GPD2: variants seen among roughly 807,000 people sequenced by gnomAD.
GPD2 encodes the protein glycerol-3-phosphate dehydrogenase 2.
In GPD2, 54 loss-of-function variants were observed where a neutral mutation model predicts 82.4. The observed-to-expected ratio is 0.66, with a 90% CI of 0.53 to 0.82. The LOEUF is 0.82. Ranked by LOEUF, GPD2 falls within the 40% of genes least tolerant of loss-of-function variation. The pLI is 0.00. For synonymous variants in GPD2, 288 were observed against 306.1 expected, an observed-to-expected ratio of 0.94 and a Z score of 0.62; for missense variants, 748 against 896.2, an observed-to-expected ratio of 0.83 and a Z score of 2.11.
intron 1 of GPD2, among the ~76,000 whole-genome samples, chr2:156,455,078 A>G (rs1192492232): frequency 1.3e-5 from 2 of 152,018 alleles, no homozygotes; most frequent in African/African-American, 4.8e-5. Flanking sequence ...CCCAGGGAGC[A>G]GTCATCTTAG....
chr2:156,483,768 A>G (rs2105216780), intron 2 of GPD2, among the ~76,000 whole-genome samples: 1 of 152,266 alleles, frequency 6.6e-6, no homozygotes, highest in African/African-American at 2.4e-5. Flanking sequence ...CAAACATTCC[A>G]CCTTAGCATT....
intron 2 of GPD2, among the ~76,000 whole-genome samples, chr2:156,491,739 C>T (rs1301468941): frequency 1.3e-5 from 2 of 152,048 alleles, no homozygotes; most frequent in African/African-American, 4.8e-5. Flanking sequence ...TAAGACACTC[C>T]TGGCCAGGCA....
the GPD2 span, among the ~76,000 whole-genome samples, chr2:156,408,195 T>C: frequency 6.6e-6 from 1 of 152,074 alleles, no homozygotes; most frequent in Non-Finnish European, 1.5e-5. Flanking sequence ...GCTCCAGTAA[T>C]CTGCCCACCT....
intron 2 of GPD2, among the ~76,000 whole-genome samples, chr2:156,486,098 A>G (rs1360683068): frequency 6.6e-6 from 1 of 152,204 alleles, no homozygotes; most frequent in Non-Finnish European, 1.5e-5. Context: ...AACTATTCTT[A>G]ACTACTCTAT....
At chr2:156,538,923 A>C (rs1481772005) in intron 6 of GPD2, among the ~76,000 whole-genome samples, 1 of 151,838 alleles carries the variant, frequency 6.6e-6, no homozygotes, top group African/African-American at 2.4e-5. Context: ...AATATCTGTT[A>C]AAGATATCTT....
intron 1 of GPD2, among the ~76,000 whole-genome samples, chr2:156,455,943 A>AT (rs1682775511): frequency 6.6e-6 from 1 of 152,076 alleles, no homozygotes; most frequent in Admixed American, 6.5e-5. Flanking sequence ...TAAATTATAT[A>AT]TTTTTTGCTT....
At chr2:156,503,900 G>T (rs1453544446) in intron 3 of GPD2, among the ~76,000 whole-genome samples, 1 of 151,830 alleles carries the variant, frequency 6.6e-6, no homozygotes, top group Non-Finnish European at 1.5e-5. Flanking sequence ...TGAACATTGG[G>T]TATGTTTGAT....
Position 156,479,568 on chromosome 2 carries a change from A to G in GPD2, c.102+3361A>G, listed in dbSNP as rs148417100. Among the ~76,000 whole-genome samples, 228 of 152,296 alleles carry G rather than the reference A, an allele frequency of 1.5e-3. 1 individual carries two copies. The highest frequency in any genetic ancestry group is 5.3e-3 in the African/African-American group (220 of 41,558). ...GATTTAGAAGAGATAGAGGAATGTG[A>G]GGGTTGTTATAGCCTAAGGAGAGGG... On this transcript the variant is annotated intron_variant, in intron 2 of 16. Transcript: ENST00000438166.
At chr2:156,489,926 C>A (rs1010681970) in intron 2 of GPD2, among the ~76,000 whole-genome samples, 11 of 149,892 alleles carry the variant, frequency 7.3e-5, no homozygotes, top group African/African-American at 2.7e-4. Context: ...TCTCTCCCCT[C>A]CCCTCCTTTC....
intron 6 of GPD2, among the ~76,000 whole-genome samples, chr2:156,543,132 A>T (rs1211600468): frequency 6.6e-6 from 1 of 152,150 alleles, no homozygotes; most frequent in African/African-American, 2.4e-5. Flanking sequence ...TTATGTTTTC[A>T]CCAAAGATTT....
the GPD2 span, among the ~76,000 whole-genome samples, chr2:156,423,271 G>A: frequency 6.6e-6 from 1 of 152,172 alleles, no homozygotes; most frequent in Admixed American, 6.5e-5. Context: ...TTAGGTTGGT[G>A]CAAAAGTAAT....
At chr2:156,475,958 G>A (rs902491858) in intron 1 of GPD2, 140 bp from the exon 2 acceptor site, 12 of 625,492 alleles carry the variant, frequency 1.9e-5, no homozygotes, top group Admixed American at 1.3e-4. Context: ...ATACACATTG[G>A]TTTGTTAGTA....
intron 1 of GPD2, among the ~76,000 whole-genome samples, chr2:156,459,804 C>T (rs745378613): frequency 1.3e-4 from 20 of 151,362 alleles, no homozygotes; most frequent in Admixed American, 1.2e-3. Context: ...CTGAGACTAT[C>T]GTAGGGTAGA....
At position 156,549,682 on chromosome 2, in the gene GPD2, T is replaced by C; in HGVS notation, c.736T>C (p.Tyr246His). 1 of 1,613,854 alleles carries C rather than the reference T, an allele frequency of 6.2e-7. No homozygotes were observed. The change falls in exon 7 of 17, where the codon TAC (tyrosine) becomes CAC (histidine). Residue 246 changes from tyrosine to histidine, a missense_variant. Tyr to His is a moderately conservative substitution (Grantham distance 83). This residue lies in a region of GPD2 where 692 missense variants were observed against 809.7 expected (regional missense o/e 0.85). Transcript: ENST00000438166. ...AARYGAATANYMEVVSLLKKT... is the reference protein window; with the variant it reads ...AARYGAATANHMEVVSLLKKT... Reference sequence around the variant, plus strand: ...CAGGTATGGGGCTGCCACAGCCAATTACATGGAGGTAGTGAGCTTGCTCAA... The same window carrying C: ...CAGGTATGGGGCTGCCACAGCCAATCACATGGAGGTAGTGAGCTTGCTCAA...
At chr2:156,543,038 C>T (rs2352098) in intron 6 of GPD2, among the ~76,000 whole-genome samples, 41,157 of 152,048 alleles carry the variant, frequency 0.27, 6,035 homozygotes, top group East Asian at 0.57. Context: ...TAAAGACATT[C>T]GTTAATCTGC....
At chr2:156,531,788 A>G (rs568019679) in intron 6 of GPD2, among the ~76,000 whole-genome samples, 1 of 152,250 alleles carries the variant, frequency 6.6e-6, no homozygotes, top group South Asian at 2.1e-4. Context: ...CAGCCTAGGC[A>G]TGGACCACTG....
chr2:156,416,409 G>A, the GPD2 span, among the ~76,000 whole-genome samples: 1 of 150,864 alleles, frequency 6.6e-6, no homozygotes, highest in Non-Finnish European at 1.5e-5. Context: ...GTGCAGTGGT[G>A]GGATCACAGA....
chr2:156,583,427 T>TCCTCC lies in GPD2; in HGVS notation c.*509_*510insCCTCC, dbSNP rs1688102588. The TCCTCC allele has an allele frequency of 5.9e-6, 1 of 169,422 alleles. No homozygotes were observed. The allele number at this position is 169,422 out of a possible 1,614,324, so 10.5% of individuals were successfully genotyped here. A position where few individuals can be genotyped will look rare whatever the true frequency, so the allele number is the denominator to read the frequency against. On this transcript the variant is annotated 3_prime_UTR_variant, in exon 17 of 17. Transcript: ENST00000438166. ...TTGAAATGATAGTGTTTCTGGAGATTTCTCAGCCCCATCTTCCTCCAGCTT... is the reference window on the plus strand; with the variant it reads ...TTGAAATGATAGTGTTTCTGGAGATTCCTCCTCTCAGCCCCATCTTCCTCCAGCTT...
chr2:156,549,637 G>A lies in GPD2; in HGVS notation c.691G>A (p.Ala231Thr), dbSNP rs115217140. 6.2e-7 allele frequency: 1 copy of A among 1,614,104 alleles called. No individual in the cohort carries two copies. Among genetic ancestry groups the A allele is most frequent in the Non-Finnish European group, 8.5e-7 (1 of 1,179,972 alleles). ...ACATAACGATGCACGGATGAACCTTGCCATTGCTCTGACTGCTGCCAGGTA... is the reference window on the plus strand; with the variant it reads ...ACATAACGATGCACGGATGAACCTTACCATTGCTCTGACTGCTGCCAGGTA... Reference protein sequence around the residue: ...GQHNDARMNLAIALTAARYGA... With the variant: ...GQHNDARMNLTIALTAARYGA... The change falls in exon 7 of 17, where the codon GCC (alanine) becomes ACC (threonine). Residue 231 changes from alanine to threonine, a missense_variant. Ala to Thr is a moderately conservative substitution (Grantham distance 58). Transcript: ENST00000438166.
Sources: gnomAD v4.1 joint callset for allele counts (sites outside exome capture counted in the v4.1 genomes callset) on GRCh38, gnomAD v4.1.1 for gene constraint, gnomAD v4.1.1 regional missense constraint, MANE v1.5 for transcripts, NCBI Gene and HGNC (gene_info 2026-07-23, HGNC 2026-07-21) for gene names.